PARG: variants seen among roughly 807,000 people sequenced by gnomAD.
PARG encodes mitochondrial poly(ADP-ribose) glycohydrolase.
PARG carries 35 observed loss-of-function variants against 113.0 expected under a neutral mutation model. The ratio of observed to expected loss-of-function variants is 0.31; its 90% CI spans 0.24 to 0.41. The LOEUF (loss-of-function observed/expected upper bound fraction) is 0.41. PARG is among the 10% of genes least tolerant of loss of function. The pLI, the probability that PARG is intolerant of heterozygous loss-of-function variation, is 1.00. For missense variants in PARG, 797 were observed against 1,169.4 expected (o/e 0.68, Z 4.64); for synonymous variants, 330 against 409.9 (o/e 0.81, Z 2.36).
chr10:49,941,344 C>G (rs1405725856), intron 1 of PARG, among the ~76,000 whole-genome samples, 165 bp downstream of exon 1: 17 of 152,128 alleles, frequency 1.1e-4, no homozygotes, highest in African/African-American at 3.6e-4. Flanking sequence ...GGGAAAAATG[C>G]GGCCCCATTC....
intron 15 of PARG, among the ~76,000 whole-genome samples, chr10:49,837,133 ACT>A (rs1554831255): frequency 3.3e-5 from 5 of 152,006 alleles, no homozygotes; most frequent in African/African-American, 7.3e-5. Context: ...TTAAAAACCA[ACT>A]CTACTTGCAG....
At chr10:49,899,477 C>G (rs1554843451) in intron 7 of PARG, among the ~76,000 whole-genome samples, 1 of 152,212 alleles carries the variant, frequency 6.6e-6, no homozygotes, top group East Asian at 1.9e-4. Flanking sequence ...AGGCCAGCCA[C>G]AGGGTGATCT....
chr10:49,841,795 A>C (rs143695367), intron 15 of PARG, among the ~76,000 whole-genome samples, 155 bp downstream of exon 15: 11 of 152,372 alleles, frequency 7.2e-5, no homozygotes, highest in African/African-American at 2.6e-4. Context: ...TGGAAAGTAC[A>C]TCTTGTACAA....
Position 49,911,188 on chromosome 10 carries a change from C to T in PARG, c.1737+4729G>A, listed in dbSNP as rs187723775. 6.5e-3 allele frequency among the ~76,000 whole-genome samples: 986 copies of T among 150,792 alleles called. 16 individuals are homozygous for T. The highest frequency in any genetic ancestry group is 0.023 in the African/African-American group (944 of 41,016). ...ATTCCAGCTACTCAGGAGGCTGAGG[C>T]GGGAGAATCACTTGAACCTGGGAGG... On this transcript the variant is annotated intron_variant, in intron 7 of 17. Transcript: ENST00000616448.
intron 15 of PARG, chr10:49,833,326 C>T (rs2132404225): frequency 6.5e-6 from 1 of 152,970 alleles, no homozygotes. Flanking sequence ...GCTTTAATCA[C>T]TATTTTTTTC....
intron 7 of PARG, among the ~76,000 whole-genome samples, chr10:49,914,821 C>T (rs1837379619): frequency 6.6e-6 from 1 of 152,184 alleles, no homozygotes; most frequent in East Asian, 1.9e-4. Flanking sequence ...GGTGCCAAGA[C>T]AATTCAACAC....
intron 10 of PARG, among the ~76,000 whole-genome samples, chr10:49,865,934 TC>T (rs1472797937): frequency 1.1e-4 from 16 of 150,480 alleles, no homozygotes; most frequent in Non-Finnish European, 1.5e-5. Context: ...TACAGCTAAG[TC>T]TCAGGCTTAA....
chr10:49,849,232 A>G (rs1363510015), intron 13 of PARG, among the ~76,000 whole-genome samples: 7 of 151,816 alleles, frequency 4.6e-5, no homozygotes, highest in Admixed American at 3.9e-4. Context: ...AGATCTACAG[A>G]TTCAAAGCAT....
intron 9 of PARG, among the ~76,000 whole-genome samples, chr10:49,876,940 T>C (rs1196779719): frequency 1.4e-5 from 2 of 145,636 alleles, no homozygotes; most frequent in South Asian, 2.2e-4. Context: ...ATATTATATA[T>C]AAAAAAAAAA....
chr10:49,922,117 G>A (rs534280225), intron 6 of PARG, among the ~76,000 whole-genome samples: 1 of 152,270 alleles, frequency 6.6e-6, no homozygotes, highest in Admixed American at 6.5e-5. Flanking sequence ...TATTATTCCT[G>A]GTTCTCCAAA....
At chr10:49,822,243 TA>T (rs1554828783) in intron 16 of PARG, among the ~76,000 whole-genome samples, 6 of 152,044 alleles carry the variant, frequency 3.9e-5, no homozygotes, top group African/African-American at 1.5e-4. Context: ...TGTGTGTGTG[TA>T]TGTGTGTGTA....
chr10:49,909,493 C>T (rs1554845703), intron 7 of PARG: 2 of 152,118 alleles, frequency 1.3e-5, no homozygotes, highest in African/African-American at 4.8e-5. Flanking sequence ...TAATACATGC[C>T]TCAATTTTGG....
At chr10:49,843,461 G>T in intron 14 of PARG, 93 bp downstream of exon 14, 1 of 770,532 alleles carries the variant, frequency 1.3e-6, no homozygotes, top group Non-Finnish European at 2.2e-6. Flanking sequence ...TTCACTTGCT[G>T]AAATACAAGT....
chr10:49,844,570 C>T (rs1407285558), intron 13 of PARG, among the ~76,000 whole-genome samples: 4 of 147,534 alleles, frequency 2.7e-5, no homozygotes, highest in East Asian at 2.0e-4. Context: ...TTGCAGTGAG[C>T]GGAGATTGTG....
At chr10:49,912,861 G>T (rs189315956) in intron 7 of PARG, among the ~76,000 whole-genome samples, 125 of 152,154 alleles carry the variant, frequency 8.2e-4, no homozygotes, top group Admixed American at 6.5e-3. Context: ...CCAGCTAAAC[G>T]GGAGGCTAAA....
rs1387897630 is a variant in PARG at position 49,819,391 on chromosome 10, G to A, written c.2880C>T (p.Val960=). 11 of 1,551,392 alleles carry A rather than the reference G, an allele frequency of 7.1e-6. No homozygotes were observed. The highest frequency in any genetic ancestry group is 5.5e-5 in the African/African-American group (4 of 73,012). ...GGTCAGCGGTCTCTGCACAGGACTC[G>A]ACAGCATGGTATATGAATGGATAAA... is the stretch of plus-strand genomic sequence containing the variant. ...IKLYPFIYHA[V]ESCAETADHS... The change falls in exon 18 of 18, where the codon GTC becomes GTT. Residue 960 remains valine, a synonymous_variant. Coordinates refer to ENST00000616448, the MANE Select transcript of PARG (RefSeq NM_003631.5).
intron 4 of PARG, among the ~76,000 whole-genome samples, chr10:49,925,535 C>T (rs1554850338): frequency 6.6e-6 from 1 of 152,192 alleles, no homozygotes; most frequent in Non-Finnish European, 1.5e-5. Context: ...ATAGCCTGAC[C>T]ACCTTGGGCA....
intron 7 of PARG, among the ~76,000 whole-genome samples, chr10:49,897,749 TATAA>T (rs1554843092): frequency 3.3e-5 from 5 of 152,236 alleles, no homozygotes; most frequent in Non-Finnish European, 5.9e-5. Context: ...GGCTCACACC[TATAA>T]CCCCAGTATT....
Position 49,819,194 on chromosome 10 carries a change from A to G in PARG, c.*146T>C, listed in dbSNP as rs1423546754. 3 of 609,564 alleles carry G rather than the reference A, an allele frequency of 4.9e-6. No homozygotes were observed. The highest frequency in any genetic ancestry group is 6.6e-5 in the Admixed American group (2 of 30,500). The allele number at this position is 609,564 out of a possible 1,614,324, so 37.8% of individuals were successfully genotyped here. A position where few individuals can be genotyped will look rare whatever the true frequency, so the allele number is the denominator to read the frequency against. On this transcript the variant is annotated 3_prime_UTR_variant, in exon 18 of 18. Coordinates refer to ENST00000616448, the MANE Select transcript of PARG (RefSeq NM_003631.5). ...TAGATGTACCAACTGACAACTGCAC[A>G]TGTGTGGAAGAGATTGCGTCCTTGA...
Sources: allele counts gnomAD v4.1 joint callset (sites outside exome capture counted in the v4.1 genomes callset), GRCh38; gene constraint gnomAD v4.1.1; transcripts MANE v1.5; gene names NCBI Gene and HGNC (gene_info 2026-07-23, HGNC 2026-07-21).